Variants in CREB5 observed in about 807,000 individuals in gnomAD.
CREB5 encodes the protein cAMP responsive element binding protein 5.
CREB5 carries 19 observed loss-of-function variants against 57.1 expected under a neutral mutation model. The ratio of observed to expected loss-of-function variants is 0.33; its 90% CI spans 0.23 to 0.49. The LOEUF is 0.49. Among genes scored for constraint, CREB5 ranks in the 20% least tolerant of loss-of-function variants. The pLI is 0.99. For synonymous variants in CREB5, 238 were observed against 238.3 expected, an observed-to-expected ratio of 1.00 and a Z score of 0.01; for missense variants, 579 against 671.6, an observed-to-expected ratio of 0.86 and a Z score of 1.52.
At chr7:28,359,149 G>A (rs1786406783) in intron 1 of CREB5, among the ~76,000 whole-genome samples, 1 of 144,096 alleles carries the variant, frequency 6.9e-6, no homozygotes, top group African/African-American at 2.6e-5. Flanking sequence ...GGGAAAGAAG[G>A]AAGAAAAAAA....
chr7:28,471,192 T>A (rs1360366815), intron 1 of CREB5, among the ~76,000 whole-genome samples: 1 of 152,224 alleles, frequency 6.6e-6, no homozygotes, highest in Non-Finnish European at 1.5e-5. Context: ...CTTGTAGTAC[T>A]TTCATAGTTT....
intron 1 of CREB5, among the ~76,000 whole-genome samples, chr7:28,337,989 A>C (rs570052657): frequency 3.0e-4 from 46 of 152,274 alleles, no homozygotes; most frequent in African/African-American, 1.1e-3. Context: ...AGCAAAAAGA[A>C]AACTAATAAA....
intron 1 of CREB5, among the ~76,000 whole-genome samples, chr7:28,460,432 C>T (rs573754005): frequency 5.9e-5 from 9 of 152,266 alleles, no homozygotes; most frequent in East Asian, 1.9e-4. Flanking sequence ...CACAAAGAGA[C>T]GAAGCATAGA....
rs67417853 is a variant in CREB5, at chr7:28,475,480, A to AAG, written c.4-12694_4-12693insGA. On this transcript the variant is annotated intron_variant, in intron 1 of 10. Coordinates refer to ENST00000357727, the MANE Select transcript of CREB5 (RefSeq NM_182898.4). ...TTGGGGAATAAAGGGAGAGAAAGAAAAAAAAATAAGGAAGAGTGAAAATAA... is the reference window on the plus strand; with the variant it reads ...TTGGGGAATAAAGGGAGAGAAAGAAAAGAAAAAATAAGGAAGAGTGAAAATAA... Among the ~76,000 whole-genome samples the AAG allele has an allele frequency of 6.4e-4, 38 of 59,006 alleles. No individual in the cohort carries two copies. In the East Asian group the frequency reaches 0.057, roughly 88 times the overall value. The allele number at this position is 59,006 out of a possible 152,430, so 38.7% of individuals were successfully genotyped here. A position where few individuals can be genotyped will look rare whatever the true frequency, so the allele number is the denominator to read the frequency against.
At chr7:28,521,491 G>A (rs772144673) in intron 4 of CREB5, among the ~76,000 whole-genome samples, 17 of 152,096 alleles carry the variant, frequency 1.1e-4, no homozygotes, top group Non-Finnish European at 2.2e-4. Context: ...CTAATTGCAG[G>A]GGTGCCTTGC....
Position 28,475,839 on chromosome 7 carries a change from T to A in CREB5, c.4-12336T>A, listed in dbSNP as rs556618460. Among the ~76,000 whole-genome samples, 11 of 152,210 alleles carry A rather than the reference T, an allele frequency of 7.2e-5. No individual in the cohort carries two copies. The South Asian group carries it at 2.3e-3, about 32-fold the overall frequency. On this transcript the variant is annotated intron_variant, in intron 1 of 10. Coordinates refer to ENST00000357727, the MANE Select transcript of CREB5 (RefSeq NM_182898.4). ...TGCATTCTATGGCTAGGAGCTGTTTTCAGGAAGGAAAACAGACACGTGCAG... is the reference window on the plus strand; with the variant it reads ...TGCATTCTATGGCTAGGAGCTGTTTACAGGAAGGAAAACAGACACGTGCAG...
intron 1 of CREB5, among the ~76,000 whole-genome samples, chr7:28,381,694 C>T (rs1786970513): frequency 6.6e-6 from 1 of 152,136 alleles, no homozygotes; most frequent in Admixed American, 6.5e-5. Flanking sequence ...TGGTTAATCC[C>T]TGATAAAATT....
chr7:28,441,914 A>C (rs1041676331), intron 1 of CREB5, among the ~76,000 whole-genome samples: 1 of 152,228 alleles, frequency 6.6e-6, no homozygotes, highest in Non-Finnish European at 1.5e-5. Flanking sequence ...GGGTAACTTG[A>C]TCACCACAAA....
intron 7 of CREB5, among the ~76,000 whole-genome samples, chr7:28,757,871 A>G (rs1288104241): frequency 6.6e-6 from 1 of 152,106 alleles, no homozygotes; most frequent in Non-Finnish European, 1.5e-5. Context: ...TCCAGTGAGC[A>G]TCTCCTTTGA....
intron 1 of CREB5, among the ~76,000 whole-genome samples, chr7:28,310,250 T>G (rs1583661111): frequency 6.6e-6 from 1 of 152,320 alleles, no homozygotes; most frequent in East Asian, 1.9e-4. Flanking sequence ...AAACTTTTAC[T>G]CAGAATGAGC....
At chr7:28,564,607 G>C (rs938670324) in intron 4 of CREB5, among the ~76,000 whole-genome samples, 9 of 152,154 alleles carry the variant, frequency 5.9e-5, no homozygotes, top group Non-Finnish European at 1.5e-5. Context: ...AATGAATGGA[G>C]AGCAAAGCAT....
intron 4 of CREB5, among the ~76,000 whole-genome samples, chr7:28,535,293 A>T (rs1793906760): frequency 7.8e-6 from 1 of 128,790 alleles, no homozygotes. Flanking sequence ...GGTTAAACCA[A>T]TTTCTTTAGG....
intron 1 of CREB5, among the ~76,000 whole-genome samples, chr7:28,304,765 A>G (rs180976396): frequency 6.2e-4 from 94 of 152,340 alleles, no homozygotes; most frequent in African/African-American, 2.2e-3. Flanking sequence ...TAAAAAATCA[A>G]ATAGAATGGA....
intron 7 of CREB5, among the ~76,000 whole-genome samples, chr7:28,733,796 T>C (rs564315860): frequency 6.6e-6 from 1 of 152,328 alleles, no homozygotes; most frequent in African/African-American, 2.4e-5. Context: ...AAACATTTGC[T>C]GATAGAATGA....
At chr7:28,676,099 G>T (rs901175985) in intron 5 of CREB5, among the ~76,000 whole-genome samples, 3 of 152,046 alleles carry the variant, frequency 2.0e-5, no homozygotes, top group African/African-American at 7.3e-5. Flanking sequence ...TCCAGCAAGG[G>T]TCAGGATGAA....
intron 7 of CREB5, among the ~76,000 whole-genome samples, chr7:28,774,590 G>A (rs938778828): frequency 6.6e-6 from 1 of 152,018 alleles, no homozygotes; most frequent in Non-Finnish European, 1.5e-5. Flanking sequence ...CCAACCCTTC[G>A]ACTCTGTTTT....
At chr7:28,473,333 A>G (rs1456760204) in intron 1 of CREB5, among the ~76,000 whole-genome samples, 1 of 152,208 alleles carries the variant, frequency 6.6e-6, no homozygotes, top group Non-Finnish European at 1.5e-5. Flanking sequence ...GAGAAAAAAA[A>G]TAAAAAGCTT....
At chr7:28,529,905 T>C (rs1028872715) in intron 4 of CREB5, among the ~76,000 whole-genome samples, 1 of 152,224 alleles carries the variant, frequency 6.6e-6, no homozygotes, top group South Asian at 2.1e-4. Flanking sequence ...CACCTGATAA[T>C]CACACCAGCT....
intron 5 of CREB5, among the ~76,000 whole-genome samples, chr7:28,648,351 C>A (rs1798973888): frequency 6.6e-6 from 1 of 152,116 alleles, no homozygotes; most frequent in African/African-American, 2.4e-5. Context: ...GTATCCAACT[C>A]AATTTACAAA....
Sources: allele counts gnomAD v4.1 joint callset (sites outside exome capture counted in the v4.1 genomes callset), GRCh38; gene constraint gnomAD v4.1.1; transcripts MANE v1.5; gene names NCBI Gene and HGNC (gene_info 2026-07-23, HGNC 2026-07-21).